Variants in SNTG2 observed in about 807,000 individuals in gnomAD.
The protein encoded by SNTG2 is gamma-2-syntrophin.
SNTG2 carries 74 observed loss-of-function variants against 70.9 expected under a neutral mutation model. That is an observed-to-expected ratio of 1.04 (90% confidence interval 0.86 to 1.27). SNTG2 has a LOEUF of 1.27. Ranked by LOEUF, SNTG2 falls within the 50% of genes most tolerant of loss-of-function variation. SNTG2 has a pLI of 0.00. For missense variants in SNTG2, 717 were observed against 690.7 expected, an observed-to-expected ratio of 1.04 and a Z score of -0.43; for synonymous variants, 278 against 273.8, an observed-to-expected ratio of 1.02 and a Z score of -0.15.
chr2:1,268,939 C>T (rs886793973), intron 14 of SNTG2, among the ~76,000 whole-genome samples: 1 of 152,150 alleles, frequency 6.6e-6, no homozygotes, highest in Non-Finnish European at 1.5e-5. Context: ...TGCCCCAGGG[C>T]CCATGCCTGG....
At chr2:1,051,194 C>CTCCCTCCTTCCT (rs1477250043) in intron 1 of SNTG2, among the ~76,000 whole-genome samples, 22 of 143,184 alleles carry the variant, frequency 1.5e-4, no homozygotes, top group African/African-American at 2.8e-4. Flanking sequence ...CCTTTCCTCC[C>CTCCCTCCTTCCT]TTCCTCCCTT....
intron 4 of SNTG2, among the ~76,000 whole-genome samples, chr2:1,102,921 G>A (rs914275847): frequency 2.6e-5 from 4 of 152,188 alleles, no homozygotes; most frequent in Non-Finnish European, 4.4e-5. Context: ...GAAGTGGCTC[G>A]TGAGCCTCTG....
chr2:1,308,348 T>G, intron 14 of SNTG2, 146 bp from the exon 15 acceptor site: 1 of 696,426 alleles, frequency 1.4e-6, no homozygotes, highest in Non-Finnish European at 2.4e-6. Flanking sequence ...CCCGGGACCC[T>G]GCATCCTCCT....
At chr2:1,316,981 G>A (rs1413826158) in intron 16 of SNTG2, among the ~76,000 whole-genome samples, 235 of 115,692 alleles carry the variant, frequency 2.0e-3, no homozygotes, top group South Asian at 7.0e-3. Context: ...CATTGGAGAA[G>A]GTTGGGATTC....
At chr2:1,270,753 T>C (rs1678977456) in intron 14 of SNTG2, among the ~76,000 whole-genome samples, 1 of 152,232 alleles carries the variant, frequency 6.6e-6, no homozygotes, top group Non-Finnish European at 1.5e-5. Flanking sequence ...ACCTTCTGTC[T>C]CTGTTTTGCT....
chr2:1,060,597 T>TA (rs1488874514), intron 1 of SNTG2, among the ~76,000 whole-genome samples: 8 of 152,116 alleles, frequency 5.3e-5, no homozygotes, highest in African/African-American at 1.9e-4. Context: ...GTGACAGGTG[T>TA]AAAGGGCAGA....
chr2:1,221,791 CTGTCTGTCTCTG>C (rs1558550758), intron 9 of SNTG2, among the ~76,000 whole-genome samples: 1 of 7,788 alleles, frequency 1.3e-4, no homozygotes, highest in Non-Finnish European at 2.2e-4. Flanking sequence ...GTCTCTGTCT[CTGTCTGTCTCTG>C]TCTCTCTCTC....
intron 8 of SNTG2, among the ~76,000 whole-genome samples, chr2:1,189,769 A>G (rs367737443): frequency 2.6e-5 from 4 of 151,786 alleles, no homozygotes; most frequent in Non-Finnish European, 5.9e-5. Context: ...GAATGGTCTC[A>G]ATCTCTTGAC....
At chr2:1,278,916 C>T (rs572525923) in intron 14 of SNTG2, among the ~76,000 whole-genome samples, 7 of 152,312 alleles carry the variant, frequency 4.6e-5, no homozygotes, top group South Asian at 4.1e-4. Flanking sequence ...TGCATCCCCC[C>T]GGGACGCGAA....
chr2:1,103,002 G>A (rs936671883), intron 4 of SNTG2, among the ~76,000 whole-genome samples: 8 of 152,226 alleles, frequency 5.3e-5, no homozygotes, highest in Non-Finnish European at 8.8e-5. Flanking sequence ...TGCGGCCTGC[G>A]TGCAGGATTC....
intron 1 of SNTG2, among the ~76,000 whole-genome samples, chr2:1,007,389 G>A (rs1048022564): frequency 3.3e-5 from 5 of 152,234 alleles, no homozygotes; most frequent in African/African-American, 1.2e-4. Flanking sequence ...TTTGGTGTTT[G>A]ATGGACTCAC....
chr2:1,296,113 T>C (rs1020685291), intron 14 of SNTG2, among the ~76,000 whole-genome samples: 1 of 148,030 alleles, frequency 6.8e-6, no homozygotes, highest in Admixed American at 6.7e-5. Context: ...CTGAGTCTCC[T>C]GTGTTGGGGT....
At chr2:976,582 C>CG (rs1190138648) in intron 1 of SNTG2, among the ~76,000 whole-genome samples, 4 of 152,198 alleles carry the variant, frequency 2.6e-5, no homozygotes, top group Middle Eastern at 3.2e-3. Context: ...CCGGTGTGCA[C>CG]GGGGGCTCTG....
chr2:1,100,154 G>GTT (rs111958119), intron 4 of SNTG2, among the ~76,000 whole-genome samples: 278 of 146,080 alleles, frequency 1.9e-3, no homozygotes, highest in African/African-American at 6.7e-3. Context: ...CTTTTCCAGG[G>GTT]TTTTTTTTTT....
At chr2:1,335,413 C>T (rs927739137) in intron 16 of SNTG2, among the ~76,000 whole-genome samples, 1 of 152,106 alleles carries the variant, frequency 6.6e-6, no homozygotes, top group Non-Finnish European at 1.5e-5. Flanking sequence ...TGAACCAGGG[C>T]TATAGCTTCT....
chr2:1,254,472 TATATC>T (rs1235830417), intron 12 of SNTG2, among the ~76,000 whole-genome samples: 1 of 152,264 alleles, frequency 6.6e-6, no homozygotes, highest in Non-Finnish European at 1.5e-5. Flanking sequence ...ATGGCATTAA[TATATC>T]AATGATGTAG....
chr2:1,204,336 T>C (rs1170297749), intron 8 of SNTG2, among the ~76,000 whole-genome samples: 1 of 152,202 alleles, frequency 6.6e-6, no homozygotes, highest in Non-Finnish European at 1.5e-5. Context: ...ACAAAAAAAG[T>C]GCAAAGCTTT....
intron 1 of SNTG2, among the ~76,000 whole-genome samples, chr2:1,016,097 A>G (rs1208458906): frequency 1.3e-5 from 2 of 152,178 alleles, no homozygotes; most frequent in Non-Finnish European, 2.9e-5. Context: ...CTCCATCAAC[A>G]TATCTAAATA....
intron 9 of SNTG2, among the ~76,000 whole-genome samples, chr2:1,232,080 C>G (rs565338848): frequency 1.4e-4 from 22 of 152,196 alleles, no homozygotes; most frequent in Non-Finnish European, 2.8e-4. Context: ...ATGGCCTGCA[C>G]GGATGGGGCC....
Sources: allele counts gnomAD v4.1 joint callset (sites outside exome capture counted in the v4.1 genomes callset), GRCh38; gene constraint gnomAD v4.1.1; transcripts MANE v1.5; gene names NCBI Gene and HGNC (gene_info 2026-07-23, HGNC 2026-07-21).